SH3BP5: variants seen among roughly 807,000 people sequenced by gnomAD.
The protein encoded by SH3BP5 is SH3 domain-binding protein 5.
A neutral mutation model predicts 43.3 loss-of-function variants in SH3BP5; 22 were observed. The observed-to-expected ratio is 0.51, with a 90% CI of 0.36 to 0.73. The LOEUF is 0.73. SH3BP5 is among the 30% of genes least tolerant of loss of function. The pLI is 0.00. For missense variants in SH3BP5, 529 were observed against 586.9 expected (o/e 0.90, Z 1.02); for synonymous variants, 255 against 225.8 (o/e 1.13, Z -1.16).
At chr3:15,308,194 G>A (rs1697962996) in intron 2 of SH3BP5, among the ~76,000 whole-genome samples, 1 of 152,182 alleles carries the variant, frequency 6.6e-6, no homozygotes, top group Non-Finnish European at 1.5e-5. Flanking sequence ...GGGCACTGGT[G>A]AATACAACCC....
upstream of SH3BP5, among the ~76,000 whole-genome samples, chr3:15,335,996 T>G (rs1002167099): frequency 6.6e-6 from 1 of 152,124 alleles, no homozygotes; most frequent in African/African-American, 2.4e-5. Context: ...TGGTCAGGTA[T>G]GGTGGCTTAT....
intron 5 of SH3BP5, 140 bp downstream of exon 5, chr3:15,262,019 C>A (rs1346743190): frequency 2.3e-6 from 2 of 882,866 alleles, no homozygotes; most frequent in Non-Finnish European, 3.5e-6. Flanking sequence ...AGAGCCTGAG[C>A]AGGGGGGCTC....
intron 3 of SH3BP5, among the ~76,000 whole-genome samples, chr3:15,298,149 G>A (rs1203956797): frequency 6.6e-6 from 1 of 151,812 alleles, no homozygotes; most frequent in Non-Finnish European, 1.5e-5. Context: ...GCTACTTTTT[G>A]TAGAGACTGG....
Position 15,255,757 on chromosome 3 carries a change from C to T in SH3BP5, c.*329G>A, listed in dbSNP as rs1428757566. The T allele has an allele frequency of 4.6e-6, 1 of 217,714 alleles. No individual in the cohort carries two copies. Among genetic ancestry groups the T allele is most frequent in the African/African-American group, 2.3e-5 (1 of 43,752 alleles). The allele number at this position is 217,714 out of a possible 1,614,324, so 13.5% of individuals were successfully genotyped here. ...AGAAAGAGAAGCAAGCTGTTGCCCC[C>T]ACTTTGGCCTGGCTTCCCAGCCATC... On this transcript the variant is annotated 3_prime_UTR_variant, in exon 9 of 9. Transcript: ENST00000383791.
At chr3:15,322,129 G>A (rs986689985) in intron 2 of SH3BP5, among the ~76,000 whole-genome samples, 31 of 152,054 alleles carry the variant, frequency 2.0e-4, no homozygotes, top group African/African-American at 7.0e-4. Flanking sequence ...CTTGAACCTG[G>A]GAGGTGGAGG....
chr3:15,323,213 CCACAGCGCAACG>C (rs1421241041), intron 2 of SH3BP5, among the ~76,000 whole-genome samples: 1 of 152,194 alleles, frequency 6.6e-6, no homozygotes, highest in Non-Finnish European at 1.5e-5. Flanking sequence ...AGCAGGCAGG[CCACAGCGCAACG>C]CCCTGCTGAT....
In SH3BP5 at chr3:15,332,376, C is replaced by A; in HGVS notation, c.33G>T (p.Glu11Asp). 1 of 1,538,366 alleles carries A rather than the reference C, an allele frequency of 6.5e-7. No homozygotes were observed. Among genetic ancestry groups the A allele is most frequent in the South Asian group, 1.2e-5 (1 of 84,108 alleles). The change falls in exon 1 of 9, where the codon GAG becomes GAT. Residue 11 changes from glutamate (E) to aspartate (D), a missense_variant. By Grantham distance (45) the Glu-to-Asp change is conservative. Around this residue, in one of 3 missense-constraint regions of SH3BP5, gnomAD observed 75 missense variants for 61.8 expected, o/e 1.21. Transcript: ENST00000383791. Reference protein sequence around the residue: MDAALKRSRSEEPAEILPPAR... With the variant: MDAALKRSRSDEPAEILPPAR... ...CAGGCGGCAGGATTTCGGCTGGCTC[C>A]TCCGAGCGGCTCCGCTTCAGTGCCG...
chr3:15,334,145 T>C (rs1011669384), upstream of SH3BP5, among the ~76,000 whole-genome samples: 5 of 152,182 alleles, frequency 3.3e-5, no homozygotes, highest in Non-Finnish European at 7.3e-5. Context: ...CAAACTACAT[T>C]CCTGCTTAAG....
chr3:15,339,962 T>C (rs1698746541), intron 1 of SH3BP5: 1 of 152,034 alleles, frequency 6.6e-6, no homozygotes, highest in African/African-American at 2.4e-5. Flanking sequence ...TCAATGAGCA[T>C]AACATTTTGC....
intron 3 of SH3BP5, chr3:15,275,658 T>G (rs191115679): frequency 6.6e-6 from 1 of 152,112 alleles, no homozygotes; most frequent in Non-Finnish European, 1.5e-5. Flanking sequence ...ACAGAAAAAA[T>G]GTTAAATACC....
intron 2 of SH3BP5, among the ~76,000 whole-genome samples, chr3:15,324,849 T>A: frequency 7.1e-6 from 1 of 141,798 alleles, no homozygotes; most frequent in Non-Finnish European, 1.5e-5. Flanking sequence ...CCATTGCTCC[T>A]TGGGTCCAAA....
intron 2 of SH3BP5, among the ~76,000 whole-genome samples, chr3:15,324,677 C>T (rs556030239): frequency 6.6e-6 from 1 of 152,292 alleles, no homozygotes; most frequent in Admixed American, 6.5e-5. Flanking sequence ...GTGCATTCCA[C>T]CCACACGTTT....
At chr3:15,327,273 G>A (rs1162108030) in intron 2 of SH3BP5, among the ~76,000 whole-genome samples, 2 of 152,044 alleles carry the variant, frequency 1.3e-5, no homozygotes, top group Non-Finnish European at 2.9e-5. Context: ...GGTGGCGCAC[G>A]CCTGTAATCC....
intron 3 of SH3BP5, among the ~76,000 whole-genome samples, chr3:15,277,809 T>G (rs996336510): frequency 4.8e-5 from 7 of 144,590 alleles, no homozygotes; most frequent in Non-Finnish European, 9.0e-5. Flanking sequence ...TCAGTATGCA[T>G]ACACCCCCCC....
intron 4 of SH3BP5, among the ~76,000 whole-genome samples, chr3:15,268,279 C>G (rs770851247): frequency 6.6e-6 from 1 of 152,210 alleles, no homozygotes; most frequent in Non-Finnish European, 1.5e-5. Context: ...ATTATCAGAT[C>G]CCCCAGGACT....
intron 2 of SH3BP5, among the ~76,000 whole-genome samples, chr3:15,316,178 T>C (rs1255132628): frequency 6.6e-6 from 1 of 151,700 alleles, no homozygotes; most frequent in Non-Finnish European, 1.5e-5. Flanking sequence ...TTAAACAATA[T>C]GAGCCAGTTA....
rs745544478 is a variant in SH3BP5, at chr3:15,269,819, C to T, written c.389G>A (p.Arg130His). Residue 130 changes from arginine (R) to histidine (H), a missense_variant, in exon 4 of 9, where the codon CGT becomes CAT. Transcript: ENST00000383791. ...QDFQRATEVL[R>H]AAKETISLAE... The stretch of plus-strand genomic sequence containing the variant: ...CAGGGAGATGGTCTCCTTGGCGGCA[C>T]GGAGCACCTCTGTGGCCCTCTGGAA... The T allele has an allele frequency of 8.7e-6, 14 of 1,606,926 alleles. No individual in the cohort carries two copies. Among genetic ancestry groups the T allele is most frequent in the East Asian group, 2.2e-5 (1 of 44,684 alleles).
Position 15,255,989 on chromosome 3 carries a change from G to A in SH3BP5, c.*97C>T, listed in dbSNP as rs543535910. 16 of 988,098 alleles carry A rather than the reference G, an allele frequency of 1.6e-5. No individual in the cohort carries two copies. The highest frequency in any genetic ancestry group is 1.1e-4 in the African/African-American group (7 of 62,068). The allele number at this position is 988,098 out of a possible 1,614,324, so 61.2% of individuals were successfully genotyped here. A position where few individuals can be genotyped will look rare whatever the true frequency, so the allele number is the denominator to read the frequency against. ...TTCATTAGAGCAGTTTAGAGTAGAC[G>A]TGTAAGATTTGGCATATATTAAATG... On this transcript the variant is annotated 3_prime_UTR_variant, in exon 9 of 9. Coordinates refer to ENST00000383791, the MANE Select transcript of SH3BP5 (RefSeq NM_004844.5).
chr3:15,328,572 A>T (rs1336164018), intron 2 of SH3BP5, among the ~76,000 whole-genome samples: 1 of 152,184 alleles, frequency 6.6e-6, no homozygotes, highest in East Asian at 1.9e-4. Flanking sequence ...TTTACAAAAA[A>T]GCTTAAAGAT....
Sources: gnomAD v4.1 joint callset for allele counts (sites outside exome capture counted in the v4.1 genomes callset) on GRCh38, gnomAD v4.1.1 for gene constraint, gnomAD v4.1.1 regional missense constraint, MANE v1.5 for transcripts, NCBI Gene and HGNC (gene_info 2026-07-23, HGNC 2026-07-21) for gene names.